Variants in DCAF5 observed in about 807,000 individuals in gnomAD.
DCAF5 encodes the protein DDB1 and CUL4 associated factor 5, also known as DDB1- and CUL4-associated factor 5.
DCAF5 carries 9 observed loss-of-function variants against 80.7 expected under a neutral mutation model. That is an observed-to-expected ratio of 0.11 (90% CI 0.07 to 0.19). The LOEUF (loss-of-function observed/expected upper bound fraction) is 0.19. DCAF5 is among the 10% of genes least tolerant of loss of function. DCAF5 has a pLI of 1.00. For missense variants in DCAF5, 842 were observed against 1,205.7 expected, an observed-to-expected ratio of 0.70 and a Z score of 4.47; for synonymous variants, 433 against 461.9, an observed-to-expected ratio of 0.94 and a Z score of 0.80.
rs1246044296 is a variant in DCAF5 at position 69,118,117 on chromosome 14, G to A, written c.535+22C>T. 1.9e-6 allele frequency: 3 copies of A among 1,613,416 alleles called. No individual in the cohort carries two copies. In the African/African-American group the frequency reaches 4.0e-5, roughly 22 times the overall value. On this transcript the variant is annotated intron_variant, in intron 4 of 8. Coordinates refer to ENST00000341516, the MANE Select transcript of DCAF5 (RefSeq NM_003861.3). This position sits in a 1 kb window ranked among gnomAD's most constrained non-coding sequence, Gnocchi z 4.0. ...TCAAACTGTTCAACACAGTCCAACA[G>A]TCATTTGCACAGTGAGCCTACCTCC... is the stretch of plus-strand genomic sequence containing the variant.
chr14:69,098,755 G>A (rs1297398579), intron 5 of DCAF5, among the ~76,000 whole-genome samples: 5 of 144,264 alleles, frequency 3.5e-5, no homozygotes, highest in Admixed American at 1.4e-4. Context: ...AAAATTAGCC[G>A]GGCGTAGTGG....
Position 69,075,320 on chromosome 14 carries a change from A to G in DCAF5, c.946+25T>C, listed in dbSNP as rs569079007. 22 of 1,598,070 alleles carry G rather than the reference A, an allele frequency of 1.4e-5. No homozygotes were observed. In the South Asian group the frequency reaches 2.2e-4, roughly 16 times the overall value. On this transcript the variant is annotated intron_variant, in intron 7 of 8. Coordinates refer to ENST00000341516, the MANE Select transcript of DCAF5 (RefSeq NM_003861.3). ...GGTCAACAGAGCCAGCAATAGCAGT[A>G]CATTCATGTGAAGGATATACTTGCC...
At chr14:69,087,140 C>T (rs2039360605) in intron 6 of DCAF5, among the ~76,000 whole-genome samples, 1 of 152,160 alleles carries the variant, frequency 6.6e-6, no homozygotes, top group African/African-American at 2.4e-5. Context: ...CAATCTAGGA[C>T]AAGAGCCATT....
chr14:69,107,468 C>A (rs2040202610), intron 5 of DCAF5, among the ~76,000 whole-genome samples: 1 of 152,186 alleles, frequency 6.6e-6, no homozygotes, highest in South Asian at 2.1e-4. Flanking sequence ...GGTATGGGGT[C>A]CAGGAAGGAG....
rs1458898147 is a variant in DCAF5, at chr14:69,075,226, C to A, written c.946+119G>T. The A allele has an allele frequency of 6.3e-6, 4 of 639,670 alleles. No homozygotes were observed. The African/African-American group carries it at 7.4e-5, about 12-fold the overall frequency. The allele number at this position is 639,670 out of a possible 1,614,324, so 39.6% of individuals were successfully genotyped here. A position where few individuals can be genotyped will look rare whatever the true frequency, so the allele number is the denominator to read the frequency against. Reference sequence around the variant, plus strand: ...TTTTTATTTTTAAATTTCCTTTGGTCACAGCTTATGTTAGAAATGTTGTCC... The same window carrying A: ...TTTTTATTTTTAAATTTCCTTTGGTAACAGCTTATGTTAGAAATGTTGTCC... On this transcript the variant is annotated intron_variant, in intron 7 of 8. Coordinates refer to ENST00000341516, the MANE Select transcript of DCAF5 (RefSeq NM_003861.3).
chr14:69,142,936 T>TA (rs1383725900), intron 1 of DCAF5, among the ~76,000 whole-genome samples: 3 of 152,216 alleles, frequency 2.0e-5, no homozygotes, highest in Non-Finnish European at 4.4e-5. Context: ...TACCTACTCC[T>TA]AATCAGACTA....
intron 1 of DCAF5, among the ~76,000 whole-genome samples, chr14:69,143,416 A>T (rs1204326664): frequency 3.3e-5 from 5 of 152,164 alleles, no homozygotes; most frequent in Non-Finnish European, 2.9e-5. Context: ...CTCATATGTA[A>T]TATAAGGATA....
At chr14:69,091,436 G>C (rs2039530233) in intron 6 of DCAF5, among the ~76,000 whole-genome samples, 1 of 152,072 alleles carries the variant, frequency 6.6e-6, no homozygotes, top group Admixed American at 6.6e-5. Flanking sequence ...GGCAGAGCTA[G>C]GTGGCTCAGA....
intron 1 of DCAF5, among the ~76,000 whole-genome samples, chr14:69,132,113 A>G (rs1413303638): frequency 6.6e-6 from 1 of 152,180 alleles, no homozygotes; most frequent in Non-Finnish European, 1.5e-5. Flanking sequence ...TAGTGTACAA[A>G]TATCTGTTTG....
rs879449258 is a variant in DCAF5, at chr14:69,104,858, TA to T, written c.665+11507del. Among the ~76,000 whole-genome samples, 679 of 141,822 alleles carry T rather than the reference TA, an allele frequency of 4.8e-3. 2 individuals carry two copies. Among genetic ancestry groups the T allele is most frequent in the African/African-American group, 9.1e-3 (352 of 38,888 alleles). 93.0% of individuals were successfully genotyped at this position (141,822 alleles called of 152,430 possible). A position where few individuals can be genotyped will look rare whatever the true frequency, so the allele number is the denominator to read the frequency against. On this transcript the variant is annotated intron_variant, in intron 5 of 8. Transcript: ENST00000341516. Reference sequence around the variant, plus strand: ...GGCAACGAGAGCAAAACTCTGTCTTTAAAAAAAAAAAAAGTGAGAGACAGGG... The same window carrying T: ...GGCAACGAGAGCAAAACTCTGTCTTTAAAAAAAAAAAAGTGAGAGACAGGG...
At chr14:69,149,081 A>G (rs2140131582) in intron 1 of DCAF5, among the ~76,000 whole-genome samples, 1 of 152,326 alleles carries the variant, frequency 6.6e-6, no homozygotes, top group South Asian at 2.1e-4. Flanking sequence ...CAAACTCAGT[A>G]TTTTCTCTGA....
chr14:69,118,396 C>G lies in DCAF5; in HGVS notation c.396-118G>C, dbSNP rs916866794. ...CATTTCTAGAAGAAAGTCAACCTAG[C>G]TAAACCCAAAAAATATTATATTTCC... On this transcript the variant is annotated intron_variant, in intron 3 of 8. Coordinates refer to ENST00000341516, the MANE Select transcript of DCAF5 (RefSeq NM_003861.3). The surrounding 1 kb of genome is among the most constrained non-coding windows in gnomAD (Gnocchi z 4.0). 3.8e-6 allele frequency: 4 copies of G among 1,060,924 alleles called. No individual in the cohort carries two copies. The highest frequency in any genetic ancestry group is 5.6e-5 in the Admixed American group (2 of 35,890). The allele number at this position is 1,060,924 out of a possible 1,614,324, so 65.7% of individuals were successfully genotyped here.
At chr14:69,131,004 G>A (rs1293888619) in intron 1 of DCAF5, among the ~76,000 whole-genome samples, 1 of 152,200 alleles carries the variant, frequency 6.6e-6, no homozygotes, top group Non-Finnish European at 1.5e-5. Context: ...ACTTAGCCCA[G>A]TGTGATATAT....
At chr14:69,104,883 G>A (rs1477212062) in intron 5 of DCAF5, among the ~76,000 whole-genome samples, 1 of 151,522 alleles carries the variant, frequency 6.6e-6, no homozygotes, top group Non-Finnish European at 1.5e-5. Flanking sequence ...TGAGAGACAG[G>A]GGTACCTACA....
At chr14:69,150,588 A>G (rs934696167) in intron 1 of DCAF5, among the ~76,000 whole-genome samples, 3 of 151,932 alleles carry the variant, frequency 2.0e-5, no homozygotes, top group Admixed American at 6.6e-5. Flanking sequence ...TAAATTTGTT[A>G]TTTTTTTTAA....
chr14:69,118,046 C>T lies in DCAF5; in HGVS notation c.535+93G>A. 1 of 1,524,136 alleles carries T rather than the reference C, an allele frequency of 6.6e-7. No individual in the cohort carries two copies. Among genetic ancestry groups the T allele is most frequent in the Non-Finnish European group, 9.0e-7 (1 of 1,111,408 alleles). 94.4% of individuals were successfully genotyped at this position (1,524,136 alleles called of 1,614,324 possible). The stretch of plus-strand genomic sequence containing the variant: ...ATTTCCTTTCCCTTGACATCACTTG[C>T]ACATAGATACTGAGGTAATAAATTG... On this transcript the variant is annotated intron_variant, in intron 4 of 8. Coordinates refer to ENST00000341516, the MANE Select transcript of DCAF5 (RefSeq NM_003861.3). This position sits in a 1 kb window ranked among gnomAD's most constrained non-coding sequence, Gnocchi z 4.0.
At chr14:69,114,204 G>T (rs2040467766) in intron 5 of DCAF5, among the ~76,000 whole-genome samples, 1 of 152,124 alleles carries the variant, frequency 6.6e-6, no homozygotes. Flanking sequence ...TTAAAAACAT[G>T]CATCCTTTGA....
chr14:69,145,047 C>A (rs1304471016), intron 1 of DCAF5, among the ~76,000 whole-genome samples: 3 of 152,142 alleles, frequency 2.0e-5, no homozygotes, highest in Non-Finnish European at 2.9e-5. Context: ...ATCAACATAA[C>A]ACTTTTATTG....
intron 5 of DCAF5, among the ~76,000 whole-genome samples, chr14:69,096,027 A>G (rs2039700476): frequency 6.6e-6 from 1 of 152,204 alleles, no homozygotes; most frequent in Non-Finnish European, 1.5e-5. Flanking sequence ...AGGCAGGATG[A>G]TCTATAAGGA....
Sources: allele counts gnomAD v4.1 joint callset (sites outside exome capture counted in the v4.1 genomes callset), GRCh38; gene constraint gnomAD v4.1.1; non-coding constraint Gnocchi (gnomAD v3.1); transcripts MANE v1.5; gene names NCBI Gene and HGNC (gene_info 2026-07-23, HGNC 2026-07-21).